KLHL32: variants seen among roughly 807,000 people sequenced by gnomAD.
KLHL32 encodes the protein kelch-like protein 32.
In KLHL32, 35 loss-of-function variants were observed where a neutral mutation model predicts 64.8. That is an observed-to-expected ratio of 0.54 (90% CI 0.41 to 0.72). KLHL32 has a LOEUF of 0.72. Ranked by LOEUF, KLHL32 falls within the 30% of genes least tolerant of loss-of-function variation. The probability of loss-of-function intolerance (pLI) is 0.00; values close to 1 mark genes in which losing one functional copy is unlikely to be tolerated. For missense variants in KLHL32, 589 were observed against 768.5 expected (o/e 0.77, Z 2.76); for synonymous variants, 259 against 281.0 (o/e 0.92, Z 0.78).
At chr6:97,017,619 A>G (rs1472727043) in intron 3 of KLHL32, among the ~76,000 whole-genome samples, 2 of 152,204 alleles carry the variant, frequency 1.3e-5, no homozygotes, top group Non-Finnish European at 2.9e-5. Flanking sequence ...ACTATTCTGG[A>G]AATTATAGAA....
intron 3 of KLHL32, among the ~76,000 whole-genome samples, chr6:97,007,706 G>A (rs562366738): frequency 3.7e-4 from 57 of 152,236 alleles, no homozygotes; most frequent in African/African-American, 1.3e-3. Context: ...GTGCTATAAG[G>A]TAGGTACAGT....
chr6:97,025,232 C>A, intron 3 of KLHL32: 1 of 614,680 alleles, frequency 1.6e-6, no homozygotes, highest in Non-Finnish European at 2.0e-6. Flanking sequence ...AACGAATTGT[C>A]CATAGAGTGG....
intron 3 of KLHL32, among the ~76,000 whole-genome samples, chr6:97,019,791 C>T (rs570701811): frequency 6.6e-6 from 1 of 151,924 alleles, no homozygotes; most frequent in South Asian, 2.1e-4. Context: ...ATACTATTTT[C>T]TTTTTTTGAG....
intron 10 of KLHL32, among the ~76,000 whole-genome samples, chr6:97,135,889 T>C (rs1042513518): frequency 3.3e-5 from 5 of 152,146 alleles, no homozygotes; most frequent in Non-Finnish European, 7.3e-5. Context: ...GGCCACTTCT[T>C]TACTACTTAA....
At chr6:97,119,201 G>A (rs1369165758) in intron 7 of KLHL32, among the ~76,000 whole-genome samples, 2 of 152,040 alleles carry the variant, frequency 1.3e-5, no homozygotes, top group South Asian at 2.1e-4. Flanking sequence ...CTTGGTATGG[G>A]TATATTCTCA....
intron 1 of KLHL32, among the ~76,000 whole-genome samples, chr6:96,933,929 CT>C (rs1038446042): frequency 6.6e-6 from 1 of 152,284 alleles, no homozygotes; most frequent in African/African-American, 2.4e-5. Flanking sequence ...AATCAGTTTC[CT>C]TGAGTTTTCA....
At chr6:97,014,443 G>A (rs80090353) in intron 3 of KLHL32, among the ~76,000 whole-genome samples, 2,680 of 151,744 alleles carry the variant, frequency 0.018, 87 homozygotes, top group African/African-American at 0.062. Context: ...TAAATATTAG[G>A]GCTACTACTC....
intron 6 of KLHL32, among the ~76,000 whole-genome samples, chr6:97,092,516 G>A (rs1282737264): frequency 6.6e-6 from 1 of 152,042 alleles, no homozygotes; most frequent in Non-Finnish European, 1.5e-5. Flanking sequence ...TGTGATGAGG[G>A]TATCTCCATT....
At chr6:97,044,677 T>C (rs913459687) in intron 4 of KLHL32, among the ~76,000 whole-genome samples, 2 of 152,188 alleles carry the variant, frequency 1.3e-5, no homozygotes, top group Admixed American at 1.3e-4. Flanking sequence ...ATAGTATTGA[T>C]ATAATCTCCT....
At chr6:97,113,632 A>G (rs1446723636) in intron 6 of KLHL32, 151 bp from the exon 7 acceptor site, 3 of 1,064,664 alleles carry the variant, frequency 2.8e-6, no homozygotes, top group Non-Finnish European at 4.1e-6. Context: ...AGTTCCTCAC[A>G]TGGGCTTCAA....
rs543590638 is a variant in KLHL32 at position 97,132,861 on chromosome 6, C to T, written c.1701+114C>T. On this transcript the variant is annotated intron_variant, in intron 10 of 10. Transcript: ENST00000369261. ...ATGTTTAGAAAGAGGCTTAACGTCC[C>T]GTTTTTTGTGCAACTAGTTCAGCCA... 781 of 684,076 alleles carry T rather than the reference C, an allele frequency of 1.1e-3. 15 individuals carry two copies. The South Asian group carries it at 0.014, about 12-fold the overall frequency. 42.4% of individuals were successfully genotyped at this position (684,076 alleles called of 1,614,324 possible).
intron 7 of KLHL32, 32 bp from the exon 8 acceptor site, chr6:97,127,372 G>T: frequency 6.4e-7 from 1 of 1,562,600 alleles, no homozygotes; most frequent in Non-Finnish European, 8.8e-7. Context: ...TTTTATTCAT[G>T]AAAAGCTCTA....
rs962472709 is a variant in KLHL32 at position 97,139,094 on chromosome 6, C to T, written c.1702-27C>T. ...ATTTTGAGCAGTCATCTTTGATACA[C>T]AAGCTTCTTCTCTTCCTCTTTTGTA... On this transcript the variant is annotated intron_variant, in intron 10 of 10. Transcript: ENST00000369261. 1.9e-6 allele frequency: 3 copies of T among 1,590,786 alleles called. No individual in the cohort carries two copies. The African/African-American group carries it at 4.1e-5, about 22-fold the overall frequency.
chr6:97,073,555 T>C (rs1451950642), intron 5 of KLHL32, among the ~76,000 whole-genome samples: 2 of 152,112 alleles, frequency 1.3e-5, no homozygotes, highest in East Asian at 1.9e-4. Context: ...CAAGAAACAA[T>C]TGGAAAAGTC....
intron 5 of KLHL32, among the ~76,000 whole-genome samples, chr6:97,074,592 A>C (rs1038661783): frequency 7.0e-5 from 10 of 143,678 alleles, no homozygotes; most frequent in African/African-American, 1.8e-4. Flanking sequence ...TCTGTAGGTA[A>C]GTGAGGGATT....
intron 4 of KLHL32, among the ~76,000 whole-genome samples, chr6:97,060,404 G>T (rs985697114): frequency 6.6e-6 from 1 of 152,178 alleles, no homozygotes; most frequent in African/African-American, 2.4e-5. Context: ...AGAAGGAGGG[G>T]CAGGGATGCC....
intron 3 of KLHL32, among the ~76,000 whole-genome samples, chr6:96,987,802 A>G (rs564004438): frequency 1.3e-5 from 2 of 152,362 alleles, no homozygotes; most frequent in East Asian, 3.9e-4. Context: ...AATGCGGCAT[A>G]TCTACAACCA....
At chr6:97,115,278 AG>A (rs1394360914) in intron 7 of KLHL32, among the ~76,000 whole-genome samples, 50 of 152,316 alleles carry the variant, frequency 3.3e-4, no homozygotes, top group Admixed American at 2.5e-3. Context: ...GGCCTCCCAA[AG>A]TGTTGGGATT....
intron 4 of KLHL32, among the ~76,000 whole-genome samples, chr6:97,054,246 A>G (rs1324326427): frequency 1.3e-5 from 2 of 152,224 alleles, no homozygotes; most frequent in African/African-American, 4.8e-5. Flanking sequence ...TGAAGGCATA[A>G]TTTGAATGTA....
Sources: gnomAD v4.1 joint callset for allele counts (sites outside exome capture counted in the v4.1 genomes callset) on GRCh38, gnomAD v4.1.1 for gene constraint, MANE v1.5 for transcripts, NCBI Gene and HGNC (gene_info 2026-07-23, HGNC 2026-07-21) for gene names.